Variants in SLC24A3 observed in about 807,000 individuals in gnomAD.
The protein encoded by SLC24A3 is sodium/potassium/calcium exchanger 3.
Under a neutral mutation model 75.8 loss-of-function variants are expected in SLC24A3, and 28 were observed. The observed-to-expected ratio is 0.37, with a 90% CI of 0.27 to 0.51. SLC24A3 has a LOEUF of 0.51. SLC24A3 is among the 20% of genes least tolerant of loss of function. SLC24A3 has a pLI of 0.94. For synonymous variants in SLC24A3, 372 were observed against 334.1 expected (o/e 1.11, Z -1.24); for missense variants, 663 against 847.8 (o/e 0.78, Z 2.71).
chr20:19,662,829 A>C (rs1478717151), intron 7 of SLC24A3, among the ~76,000 whole-genome samples: 1 of 152,212 alleles, frequency 6.6e-6, no homozygotes, highest in Non-Finnish European at 1.5e-5. Context: ...AACTCAAGTG[A>C]AAGGAACCTC....
intron 9 of SLC24A3, among the ~76,000 whole-genome samples, chr20:19,675,832 T>G (rs1419186920): frequency 3.3e-5 from 5 of 152,194 alleles, no homozygotes; most frequent in Non-Finnish European, 7.4e-5. Context: ...TATGCCTCTT[T>G]GTCTCAAAGA....
intron 2 of SLC24A3, among the ~76,000 whole-genome samples, chr20:19,295,977 T>G: frequency 6.6e-6 from 1 of 152,128 alleles, no homozygotes. Context: ...GCTATAAATC[T>G]GTCTGGTCCT....
intron 2 of SLC24A3, among the ~76,000 whole-genome samples, chr20:19,322,363 T>C (rs565999928): frequency 5.1e-5 from 2 of 39,338 alleles, no homozygotes; most frequent in East Asian, 1.3e-3. Flanking sequence ...CCTTCCTTCC[T>C]TCCCTTCCTT....
chr20:19,309,033 G>T (rs1238736264), intron 2 of SLC24A3, among the ~76,000 whole-genome samples: 8 of 152,154 alleles, frequency 5.3e-5, no homozygotes. Context: ...ATTCGTGGAG[G>T]ACATATGTTA....
In SLC24A3 at chr20:19,413,485, G is replaced by A. The variant is rs112208868; in HGVS notation, c.272-102003G>A. Among the ~76,000 whole-genome samples, 501 of 152,270 alleles carry A rather than the reference G, an allele frequency of 3.3e-3. 3 individuals carry two copies. Among genetic ancestry groups the A allele is most frequent in the African/African-American group, 0.011 (472 of 41,548 alleles). ...TTACTGTTTCAGGTGGGCCCTTTGA[G>A]CTGCCCCGTTCTTTAAAGGAGACTG... On this transcript the variant is annotated intron_variant, in intron 2 of 16. Transcript: ENST00000328041.
chr20:19,600,248 G>A (rs1379333184), intron 6 of SLC24A3, among the ~76,000 whole-genome samples: 1 of 152,026 alleles, frequency 6.6e-6, no homozygotes, highest in Non-Finnish European at 1.5e-5. Flanking sequence ...ATTAGGAGGC[G>A]CCATTTCTCG....
chr20:19,226,697 G>A (rs1448224230), intron 1 of SLC24A3, among the ~76,000 whole-genome samples: 1 of 152,138 alleles, frequency 6.6e-6, no homozygotes, highest in African/African-American at 2.4e-5. Context: ...ACTCTATAGA[G>A]TAGATACCAT....
chr20:19,617,716 A>G (rs910487601), intron 6 of SLC24A3, among the ~76,000 whole-genome samples: 1 of 152,096 alleles, frequency 6.6e-6, no homozygotes, highest in African/African-American at 2.4e-5. Context: ...CTCTATCCTA[A>G]ACCTCATATT....
intron 2 of SLC24A3, among the ~76,000 whole-genome samples, chr20:19,402,093 G>C (rs893858400): frequency 6.6e-6 from 1 of 152,112 alleles, no homozygotes; most frequent in Non-Finnish European, 1.5e-5. Context: ...TTTCAGGAAA[G>C]GAAGAAACAA....
At chr20:19,330,556 T>A (rs974387409) in intron 2 of SLC24A3, among the ~76,000 whole-genome samples, 1 of 152,222 alleles carries the variant, frequency 6.6e-6, no homozygotes, top group Non-Finnish European at 1.5e-5. Context: ...GATTTCATAC[T>A]TATAATAAAT....
intron 2 of SLC24A3, among the ~76,000 whole-genome samples, chr20:19,366,483 G>A (rs998622684): frequency 6.6e-6 from 1 of 152,112 alleles, no homozygotes; most frequent in African/African-American, 2.4e-5. Flanking sequence ...ACATTTGTTA[G>A]TTCTAATCTC....
intron 3 of SLC24A3, among the ~76,000 whole-genome samples, chr20:19,536,294 A>T (rs575044864): frequency 2.0e-4 from 31 of 152,302 alleles, no homozygotes; most frequent in African/African-American, 7.2e-4. Context: ...TGATTTTTTT[A>T]GCAAGTGCAA....
At chr20:19,418,424 A>G (rs1272540438) in intron 2 of SLC24A3, among the ~76,000 whole-genome samples, 1 of 152,188 alleles carries the variant, frequency 6.6e-6, no homozygotes, top group Non-Finnish European at 1.5e-5. Context: ...CTCCCGGAAA[A>G]TAGAATAAAA....
At chr20:19,469,161 C>A (rs987216678) in intron 2 of SLC24A3, among the ~76,000 whole-genome samples, 1 of 151,906 alleles carries the variant, frequency 6.6e-6, no homozygotes, top group African/African-American at 2.4e-5. Context: ...GTGACAGAAG[C>A]GGACGGATGA....
At chr20:19,520,176 C>T (rs1290735588) in intron 3 of SLC24A3, among the ~76,000 whole-genome samples, 6 of 152,156 alleles carry the variant, frequency 3.9e-5, no homozygotes, top group Non-Finnish European at 8.8e-5. Flanking sequence ...AGGAGGGCTG[C>T]TAATTAGTCC....
At chr20:19,282,076 G>A (rs1395047817) in intron 2 of SLC24A3, among the ~76,000 whole-genome samples, 1 of 152,062 alleles carries the variant, frequency 6.6e-6, no homozygotes, top group Non-Finnish European at 1.5e-5. Context: ...CTCATCTTTA[G>A]TGTCAGCACG....
chr20:19,583,605 G>A (rs1397271635), intron 4 of SLC24A3, among the ~76,000 whole-genome samples: 1 of 152,140 alleles, frequency 6.6e-6, no homozygotes, highest in Non-Finnish European at 1.5e-5. Flanking sequence ...GAAGGAGAGA[G>A]GGGAAACGGA....
chr20:19,468,024 T>C (rs987194242), intron 2 of SLC24A3, among the ~76,000 whole-genome samples: 1 of 151,676 alleles, frequency 6.6e-6, no homozygotes, highest in Non-Finnish European at 1.5e-5. Flanking sequence ...CCAGGGAACA[T>C]GAGGTTGGAG....
intron 2 of SLC24A3, among the ~76,000 whole-genome samples, chr20:19,472,414 G>A (rs1987890459): frequency 1.3e-5 from 2 of 152,220 alleles, no homozygotes; most frequent in African/African-American, 2.4e-5. Context: ...TGGGATGGCA[G>A]GTAGGATGTA....
Sources: gnomAD v4.1 joint callset for allele counts (sites outside exome capture counted in the v4.1 genomes callset) on GRCh38, gnomAD v4.1.1 for gene constraint, MANE v1.5 for transcripts, NCBI Gene and HGNC (gene_info 2026-07-23, HGNC 2026-07-21) for gene names.